Variants in GALNTL6 observed in about 807,000 individuals in gnomAD.
GALNTL6 encodes the protein polypeptide N-acetylgalactosaminyltransferase like 6, also known as polypeptide N-acetylgalactosaminyltransferase-like 6.
In GALNTL6, 46 loss-of-function variants were observed where a neutral mutation model predicts 73.7. That is an observed-to-expected ratio of 0.62 (90% confidence interval 0.49 to 0.80). GALNTL6 has a LOEUF of 0.80. Ranked by LOEUF, GALNTL6 falls within the 30% of genes least tolerant of loss-of-function variation. The pLI is 0.00. For missense variants in GALNTL6, 604 were observed against 755.0 expected (o/e 0.80, Z 2.34); for synonymous variants, 259 against 263.7 (o/e 0.98, Z 0.17).
In GALNTL6 at chr4:172,330,360, C is replaced by T. The variant is rs201657813; in HGVS notation, c.387-18163C>T. Among the ~76,000 whole-genome samples the T allele has an allele frequency of 1.1e-3, 169 of 152,246 alleles. 2 individuals carry two copies. In the South Asian group the frequency reaches 0.016, roughly 14 times the overall value. ...GATCCACTGGGGAGGTGTGGGTCCC[C>T]GGAGCTGCTAACTCACTTATCACTT... On this transcript the variant is annotated intron_variant, in intron 4 of 12. Transcript: ENST00000506823.
chr4:172,499,252 T>G (rs1367837765), intron 5 of GALNTL6, among the ~76,000 whole-genome samples: 2 of 152,156 alleles, frequency 1.3e-5, no homozygotes, highest in Non-Finnish European at 2.9e-5. Context: ...GGGAGGTAAT[T>G]CAGTCATACA....
intron 2 of GALNTL6, among the ~76,000 whole-genome samples, chr4:171,897,068 A>G (rs1162560942): frequency 2.0e-5 from 3 of 152,058 alleles, no homozygotes; most frequent in Non-Finnish European, 4.4e-5. Flanking sequence ...TACAGACCTC[A>G]TTTTTATCTA....
rs191062144 is a variant in GALNTL6, at chr4:172,238,834, C to T, written c.247+9070C>T. The stretch of plus-strand genomic sequence containing the variant: ...AAGGGATGCTGAATTTTATTGAAAG[C>T]ATTTTCTGAATCTATTCATATGGTT... On this transcript the variant is annotated intron_variant, in intron 3 of 12. Coordinates refer to ENST00000506823, the MANE Select transcript of GALNTL6 (RefSeq NM_001034845.3). Among the ~76,000 whole-genome samples the T allele has an allele frequency of 4.8e-4, 73 of 152,180 alleles. 2 individuals are homozygous for T. Among genetic ancestry groups the T allele is most frequent in the Non-Finnish European group, 5.9e-5 (4 of 67,990 alleles).
At chr4:172,120,070 A>G (rs1386812030) in intron 2 of GALNTL6, among the ~76,000 whole-genome samples, 1 of 152,208 alleles carries the variant, frequency 6.6e-6, no homozygotes, top group Non-Finnish European at 1.5e-5. Context: ...AAGACAACGT[A>G]TTGAGGATTT....
intron 5 of GALNTL6, among the ~76,000 whole-genome samples, chr4:172,420,940 C>T (rs459423): frequency 0.041 from 6,222 of 152,046 alleles, 406 homozygotes; most frequent in African/African-American, 0.14. Context: ...CATGTTCTCA[C>T]TCATAAGTGG....
chr4:171,999,310 C>A (rs35353338), intron 2 of GALNTL6, among the ~76,000 whole-genome samples: 3,205 of 152,140 alleles, frequency 0.021, 99 homozygotes, highest in African/African-American at 0.067. Context: ...ATGTAACTTG[C>A]GTTTAAATTT....
intron 3 of GALNTL6, among the ~76,000 whole-genome samples, chr4:172,288,397 AT>A (rs1035959960): frequency 2.0e-5 from 3 of 151,946 alleles, no homozygotes; most frequent in African/African-American, 7.2e-5. Context: ...GGCCGAATTG[AT>A]TTTTTTTGTA....
intron 5 of GALNTL6, among the ~76,000 whole-genome samples, chr4:172,696,490 T>C (rs1312008037): frequency 6.6e-6 from 1 of 152,192 alleles, no homozygotes; most frequent in Non-Finnish European, 1.5e-5. Context: ...TCATCCTAGA[T>C]TGTAGCTCCC....
At chr4:172,629,675 G>T (rs1230929721) in intron 5 of GALNTL6, among the ~76,000 whole-genome samples, 1 of 152,018 alleles carries the variant, frequency 6.6e-6, no homozygotes, top group African/African-American at 2.4e-5. Flanking sequence ...TGCTATTATG[G>T]ATTATCACTT....
At chr4:172,057,685 G>A (rs1347686842) in intron 2 of GALNTL6, among the ~76,000 whole-genome samples, 3 of 123,476 alleles carry the variant, frequency 2.4e-5, no homozygotes, top group East Asian at 4.6e-4. Context: ...CAGCCTGGGT[G>A]ACACAGACCC....
intron 4 of GALNTL6, among the ~76,000 whole-genome samples, chr4:172,324,799 G>T (rs1046722112): frequency 6.6e-6 from 1 of 150,560 alleles, no homozygotes; most frequent in Admixed American, 6.6e-5. Flanking sequence ...CAAATATTTA[G>T]AAATTAAATA....
intron 5 of GALNTL6, among the ~76,000 whole-genome samples, chr4:172,558,436 C>G (rs1302135964): frequency 6.6e-6 from 1 of 152,066 alleles, no homozygotes; most frequent in Admixed American, 6.6e-5. Context: ...AAAGTGAGCT[C>G]TTAGTCCAAT....
At chr4:172,668,009 C>T (rs1731764138) in intron 5 of GALNTL6, 2 of 152,132 alleles carry the variant, frequency 1.3e-5, no homozygotes, top group Non-Finnish European at 2.9e-5. Flanking sequence ...GATAGCCTTC[C>T]CTCTTGACCA....
chr4:172,300,903 G>A (rs1269520127), intron 3 of GALNTL6, among the ~76,000 whole-genome samples: 1 of 152,078 alleles, frequency 6.6e-6, no homozygotes, highest in Admixed American at 6.5e-5. Context: ...TCCTGAATTT[G>A]AATGTTGGCC....
intron 12 of GALNTL6, among the ~76,000 whole-genome samples, chr4:173,030,260 G>A (rs982512095): frequency 2.6e-5 from 4 of 152,098 alleles, no homozygotes; most frequent in African/African-American, 4.8e-5. Flanking sequence ...CTATACATTC[G>A]CCCCAGCAAT....
chr4:172,959,239 G>A (rs1279520612), intron 10 of GALNTL6, among the ~76,000 whole-genome samples: 1 of 152,050 alleles, frequency 6.6e-6, no homozygotes, highest in East Asian at 1.9e-4. Flanking sequence ...ACAAGGAGAG[G>A]ATGTGAAGGA....
At chr4:172,458,747 A>G (rs1732501487) in intron 5 of GALNTL6, among the ~76,000 whole-genome samples, 1 of 152,236 alleles carries the variant, frequency 6.6e-6, no homozygotes. Context: ...ATAAAAGCCC[A>G]GGACCAGACA....
At chr4:171,988,994 G>A (rs11725171) in intron 2 of GALNTL6, among the ~76,000 whole-genome samples, 3,251 of 152,108 alleles carry the variant, frequency 0.021, 39 homozygotes, top group Admixed American at 0.033. Flanking sequence ...TAGTTAAAGT[G>A]TCTCGGCCTA....
chr4:172,697,089 G>T (rs1733742317), intron 5 of GALNTL6, among the ~76,000 whole-genome samples: 1 of 152,010 alleles, frequency 6.6e-6, no homozygotes, highest in African/African-American at 2.4e-5. Context: ...ACAGAAATGT[G>T]GCTCTGACCT....
Sources: allele counts gnomAD v4.1 joint callset (sites outside exome capture counted in the v4.1 genomes callset), GRCh38; gene constraint gnomAD v4.1.1; transcripts MANE v1.5; gene names NCBI Gene and HGNC (gene_info 2026-07-23, HGNC 2026-07-21).